The following PDE4B variants were observed in gnomAD, a reference collection of about 807,000 sequenced individuals.
PDE4B encodes the protein 3',5'-cyclic-AMP phosphodiesterase 4B.
PDE4B carries 20 observed loss-of-function variants against 82.2 expected under a neutral mutation model. That is an observed-to-expected ratio of 0.24 (90% CI 0.17 to 0.35). PDE4B has a LOEUF of 0.35. Among genes scored for constraint, PDE4B ranks in the 10% least tolerant of loss-of-function variants. The pLI, the probability that PDE4B is intolerant of heterozygous loss-of-function variation, is 1.00. For synonymous variants in PDE4B, 320 were observed against 318.9 expected (o/e 1.00, Z -0.04); for missense variants, 655 against 907.2 (o/e 0.72, Z 3.57).
At chr1:65,949,709 C>T (rs1250617322) in intron 3 of PDE4B, among the ~76,000 whole-genome samples, 1 of 152,032 alleles carries the variant, frequency 6.6e-6, no homozygotes, top group Non-Finnish European at 1.5e-5. Flanking sequence ...TGGAGCAAGT[C>T]CTGAGAAGGT....
chr1:66,198,976 T>C (rs1463608071), intron 3 of PDE4B, among the ~76,000 whole-genome samples: 3 of 152,114 alleles, frequency 2.0e-5, no homozygotes, highest in South Asian at 2.1e-4. Context: ...TTCCATGGTG[T>C]ATATGTGCCA....
rs544577108 is a variant in PDE4B at position 66,211,661 on chromosome 1, A to G, written c.282-35799A>G. Among the ~76,000 whole-genome samples, 4 of 152,344 alleles carry G rather than the reference A, an allele frequency of 2.6e-5. No homozygotes were observed. In the South Asian group the frequency reaches 6.2e-4, roughly 24 times the overall value. ...GGTGCTTTAATTAGCCCTGGTTTAT[A>G]AATAAACTGTAACTTAGGGGAGCGA... On this transcript the variant is annotated intron_variant, in intron 3 of 16. Transcript: ENST00000341517.
chr1:66,163,562 C>G (rs1483679403), intron 3 of PDE4B, among the ~76,000 whole-genome samples: 1 of 151,836 alleles, frequency 6.6e-6, no homozygotes, highest in Non-Finnish European at 1.5e-5. Context: ...TAAAGAATTA[C>G]TCATGTAAAG....
intron 6 of PDE4B, among the ~76,000 whole-genome samples, chr1:66,259,326 T>C (rs1274696851): frequency 6.6e-6 from 1 of 152,154 alleles, no homozygotes; most frequent in Admixed American, 6.5e-5. Flanking sequence ...GGGCTTACAT[T>C]CTAATACAAA....
chr1:66,024,283 A>T (rs1653311807), intron 3 of PDE4B, among the ~76,000 whole-genome samples: 1 of 152,284 alleles, frequency 6.6e-6, no homozygotes, highest in Non-Finnish European at 1.5e-5. Flanking sequence ...TCTCTAAAAA[A>T]TATTAATCTA....
intron 1 of PDE4B, among the ~76,000 whole-genome samples, chr1:65,829,373 A>C (rs950879865): frequency 2.6e-5 from 4 of 152,000 alleles, no homozygotes; most frequent in Admixed American, 1.3e-4. Context: ...AAACTTCAAC[A>C]CTCCTTTCTT....
chr1:66,201,559 T>C (rs1084483), intron 3 of PDE4B, among the ~76,000 whole-genome samples: 64,608 of 143,260 alleles, frequency 0.45, 15,263 homozygotes, highest in African/African-American at 0.52. Context: ...TAACTTCTTC[T>C]TTGTTTAGTC....
intron 13 of PDE4B, 83 bp downstream of exon 13, chr1:66,365,849 G>A: frequency 1.4e-6 from 1 of 737,556 alleles, no homozygotes; most frequent in Non-Finnish European, 2.3e-6. Context: ...TTTCATTATG[G>A]ATAATCACAA....
At chr1:66,014,278 G>T (rs535784386) in intron 3 of PDE4B, among the ~76,000 whole-genome samples, 2 of 152,174 alleles carry the variant, frequency 1.3e-5, no homozygotes, top group South Asian at 4.1e-4. Context: ...CTGATGCACA[G>T]AATTTTTACA....
chr1:66,111,760 A>T (rs1645490296), intron 3 of PDE4B, among the ~76,000 whole-genome samples: 1 of 152,040 alleles, frequency 6.6e-6, no homozygotes, highest in Admixed American at 6.6e-5. Flanking sequence ...GTTCTATAAG[A>T]TCCATCTATT....
chr1:66,071,129 T>C (rs567725961), intron 3 of PDE4B, among the ~76,000 whole-genome samples: 1 of 152,206 alleles, frequency 6.6e-6, no homozygotes, highest in East Asian at 1.9e-4. Context: ...AATACTCTAA[T>C]AATATTAAGA....
intron 3 of PDE4B, among the ~76,000 whole-genome samples, chr1:66,211,604 A>G (rs1052102786): frequency 1.6e-4 from 25 of 152,220 alleles, no homozygotes; most frequent in African/African-American, 5.8e-4. Context: ...TGCATGCATC[A>G]TCTCATTTAA....
At chr1:65,968,502 T>TA (rs1649970323) in intron 3 of PDE4B, among the ~76,000 whole-genome samples, 2 of 151,816 alleles carry the variant, frequency 1.3e-5, no homozygotes, top group Admixed American at 1.3e-4. Flanking sequence ...TATAATTTTT[T>TA]TTTTAATTCA....
intron 1 of PDE4B, among the ~76,000 whole-genome samples, chr1:65,802,901 G>A (rs1423107754): frequency 8.5e-5 from 13 of 152,118 alleles, no homozygotes; most frequent in African/African-American, 3.1e-4. Context: ...ACATATATAA[G>A]TGTGAAATTC....
At chr1:65,849,712 A>G (rs1646308511) in intron 1 of PDE4B, among the ~76,000 whole-genome samples, 1 of 152,146 alleles carries the variant, frequency 6.6e-6, no homozygotes, top group Admixed American at 6.6e-5. Flanking sequence ...CAGAAAAAGA[A>G]AAAAAACAAC....
intron 6 of PDE4B, among the ~76,000 whole-genome samples, chr1:66,263,614 G>A (rs1196681432): frequency 6.6e-6 from 1 of 152,076 alleles, no homozygotes; most frequent in African/African-American, 2.4e-5. Context: ...GCCATCAACA[G>A]GTCACAGATT....
rs144091512 is a variant in PDE4B at position 65,815,922 on chromosome 1, C to T, written c.-71+22674C>T. Among the ~76,000 whole-genome samples the T allele has an allele frequency of 2.6e-4, 39 of 152,220 alleles. No individual in the cohort carries two copies. In the East Asian group the frequency reaches 6.4e-3, roughly 25 times the overall value. ...AGGACTTCAGCTACAGTACCTTGTTCCGTTTCCTCATTTCTGACTCCATCC... is the reference window on the plus strand; with the variant it reads ...AGGACTTCAGCTACAGTACCTTGTTTCGTTTCCTCATTTCTGACTCCATCC... On this transcript the variant is annotated intron_variant, in intron 1 of 16. Coordinates refer to ENST00000341517, the MANE Select transcript of PDE4B (RefSeq NM_002600.4).
chr1:65,929,927 G>C (rs1161954025), intron 3 of PDE4B, among the ~76,000 whole-genome samples: 2 of 152,134 alleles, frequency 1.3e-5, no homozygotes, highest in African/African-American at 2.4e-5. Context: ...CCAAACTAAT[G>C]AAAGAACTCC....
intron 1 of PDE4B, among the ~76,000 whole-genome samples, chr1:65,906,691 C>T (rs1412210859): frequency 1.3e-5 from 2 of 152,120 alleles, no homozygotes; most frequent in African/African-American, 4.8e-5. Context: ...GCATTCAGCT[C>T]AGCAAATTGA....
Sources: allele counts gnomAD v4.1 joint callset (sites outside exome capture counted in the v4.1 genomes callset), GRCh38; gene constraint gnomAD v4.1.1; transcripts MANE v1.5; gene names NCBI Gene and HGNC (gene_info 2026-07-23, HGNC 2026-07-21).